ZNF512: variants seen among roughly 807,000 people sequenced by gnomAD.
ZNF512 encodes zinc finger protein 512.
ZNF512 carries 25 observed loss-of-function variants against 77.5 expected under a neutral mutation model. The observed-to-expected ratio is 0.32, with a 90% confidence interval of 0.23 to 0.45. ZNF512 has a LOEUF of 0.45. Ranked by LOEUF, ZNF512 falls within the 20% of genes least tolerant of loss-of-function variation. The pLI is 1.00. For missense variants in ZNF512, 483 were observed against 692.6 expected (o/e 0.70, Z 3.40); for synonymous variants, 246 against 239.9 (o/e 1.03, Z -0.24).
intron 2 of ZNF512, among the ~76,000 whole-genome samples, chr2:27,592,409 A>C (rs1178694046): frequency 2.0e-5 from 3 of 151,428 alleles, no homozygotes; most frequent in African/African-American, 7.3e-5. Flanking sequence ...TCCACCTCCC[A>C]GATTCAAGTG....
intron 3 of ZNF512, among the ~76,000 whole-genome samples, chr2:27,599,330 G>T (rs530975823): frequency 2.4e-4 from 37 of 152,254 alleles, no homozygotes; most frequent in African/African-American, 8.7e-4. Flanking sequence ...CACATTGCTT[G>T]AATGCCCTTA....
At chr2:27,589,687 A>G (rs1043542153) in intron 2 of ZNF512, among the ~76,000 whole-genome samples, 4 of 152,170 alleles carry the variant, frequency 2.6e-5, no homozygotes, top group Non-Finnish European at 2.9e-5. Context: ...ATAAGCATTT[A>G]AAGCTTTAAG....
In ZNF512 at chr2:27,598,224, A is replaced by G. The variant is rs1255686002; in HGVS notation, c.247A>G (p.Ile83Val). ...TACCTACTGGATGAAGATGAGAAGA[A>G]TCAAGCCAGCTGCTACTTCTCATGT... The part of the protein sequence containing the change: ...KSTYWMKMRR[I>V]KPAATSHVEG... Residue 83 changes from isoleucine (I) to valine (V), a missense_variant, in exon 3 of 14, where the codon ATC (isoleucine) becomes GTC (valine). Around this residue, in one of 2 missense-constraint regions of ZNF512, gnomAD observed 159 missense variants for 167.5 expected, o/e 0.95. Transcript: ENST00000355467. The G allele has an allele frequency of 1.2e-6, 2 of 1,613,694 alleles. No homozygotes were observed. The highest frequency in any genetic ancestry group is 2.2e-5 in the East Asian group (1 of 44,872).
chr2:27,589,200 A>G (rs1171464493), intron 2 of ZNF512, among the ~76,000 whole-genome samples: 1 of 152,056 alleles, frequency 6.6e-6, no homozygotes, highest in Middle Eastern at 3.2e-3. Flanking sequence ...CTTGTTTTAA[A>G]CCTATTGCAA....
intron 3 of ZNF512, among the ~76,000 whole-genome samples, chr2:27,598,676 T>G (rs1225852167): frequency 6.6e-6 from 1 of 152,048 alleles, no homozygotes; most frequent in Non-Finnish European, 1.5e-5. Flanking sequence ...TGTTTCTCAT[T>G]AGTGATTTAA....
chr2:27,597,386 C>T (rs556303067), intron 2 of ZNF512, among the ~76,000 whole-genome samples: 2 of 152,208 alleles, frequency 1.3e-5, no homozygotes, highest in Admixed American at 1.3e-4. Flanking sequence ...AACTGCTGCT[C>T]TGCTGCATCT....
intron 10 of ZNF512, among the ~76,000 whole-genome samples, chr2:27,608,519 T>C (rs1419122988): frequency 6.6e-6 from 1 of 152,148 alleles, no homozygotes; most frequent in South Asian, 2.1e-4. Flanking sequence ...CTTGGCCTTC[T>C]TCTTCTTGAT....
chr2:27,619,697 T>A (rs567028431), intron 13 of ZNF512, among the ~76,000 whole-genome samples: 1 of 152,226 alleles, frequency 6.6e-6, no homozygotes, highest in South Asian at 2.1e-4. Flanking sequence ...ATGAACCCAG[T>A]ATGCTGTCAG....
At chr2:27,592,524 A>T (rs2148007653) in intron 2 of ZNF512, among the ~76,000 whole-genome samples, 1 of 151,846 alleles carries the variant, frequency 6.6e-6, no homozygotes, top group South Asian at 2.1e-4. Context: ...AATATTGGCC[A>T]GGCTGGTCTC....
At position 27,615,197 on chromosome 2, in the gene ZNF512, C is replaced by G. The variant is rs138790398; in HGVS notation, c.1161C>G (p.Thr387=). 1.5e-5 allele frequency: 24 copies of G among 1,606,142 alleles called. No individual in the cohort carries two copies. In the African/African-American group the frequency reaches 2.8e-4, roughly 19 times the overall value. The part of the protein sequence containing the change: ...KLKYTRPGLP[T]FSQEVLHKWK... Reference sequence around the variant, plus strand: ...AATATACTCGTCCAGGGCTCCCTACCTTCAGCCAGGAAGTACTACATAAAT... The same window carrying G: ...AATATACTCGTCCAGGGCTCCCTACGTTCAGCCAGGAAGTACTACATAAAT... The change falls in exon 11 of 14, where the codon ACC becomes ACG. Residue 387 remains threonine (T), a synonymous_variant. Transcript: ENST00000355467.
At chr2:27,598,591 T>C (rs1671974956) in intron 3 of ZNF512, among the ~76,000 whole-genome samples, 1 of 148,864 alleles carries the variant, frequency 6.7e-6, no homozygotes, top group Non-Finnish European at 1.5e-5. Flanking sequence ...ATCGCACCAT[T>C]GCACTGTAGC....
At chr2:27,607,741 A>G in intron 9 of ZNF512, 104 bp from the exon 10 acceptor site, 1 of 1,075,042 alleles carries the variant, frequency 9.3e-7, no homozygotes, top group Non-Finnish European at 1.4e-6. Flanking sequence ...GCAATCTACT[A>G]CATAGCTCTT....
intron 9 of ZNF512, among the ~76,000 whole-genome samples, chr2:27,606,409 C>T (rs1402980523): frequency 2.0e-5 from 3 of 151,732 alleles, no homozygotes; most frequent in Non-Finnish European, 4.4e-5. Flanking sequence ...GTTGCCCAGG[C>T]TGGAGTGCAG....
chr2:27,610,540 G>GTGTA (rs1553353337), intron 10 of ZNF512, among the ~76,000 whole-genome samples: 1 of 46,836 alleles, frequency 2.1e-5, no homozygotes, highest in African/African-American at 1.3e-4. Context: ...ATATATATGT[G>GTGTA]TGTGTATATA....
chr2:27,597,322 C>T (rs997539295), intron 2 of ZNF512, among the ~76,000 whole-genome samples: 5 of 152,244 alleles, frequency 3.3e-5, no homozygotes, highest in Admixed American at 6.5e-5. Context: ...GTAGGCCTCA[C>T]AGGTATTTAG....
rs1477082476 is a variant in ZNF512 at position 27,610,585 on chromosome 2, T to A, written c.1131+2546T>A. Among the ~76,000 whole-genome samples, 707 of 74,768 alleles carry A rather than the reference T, an allele frequency of 9.5e-3. 47 individuals are homozygous for A. The highest frequency in any genetic ancestry group is 0.023 in the African/African-American group (418 of 18,226). 49.1% of individuals were successfully genotyped at this position (74,768 alleles called of 152,430 possible). A position where few individuals can be genotyped will look rare whatever the true frequency, so the allele number is the denominator to read the frequency against. ...ATATATATATTTTTTTTTTTTTTTT[T>A]TTTTTTTTTTTTTTTGAGACAGCGT... On this transcript the variant is annotated intron_variant, in intron 10 of 13. Coordinates refer to ENST00000355467, the MANE Select transcript of ZNF512 (RefSeq NM_032434.4).
At chr2:27,613,222 G>C (rs1672740946) in intron 10 of ZNF512, among the ~76,000 whole-genome samples, 3 of 152,096 alleles carry the variant, frequency 2.0e-5, no homozygotes, top group African/African-American at 4.8e-5. Context: ...TTGTGGCCGG[G>C]TGTAGTGGCT....
intron 2 of ZNF512, among the ~76,000 whole-genome samples, chr2:27,588,832 G>A (rs1671449416): frequency 6.6e-6 from 1 of 152,040 alleles, no homozygotes; most frequent in Admixed American, 6.6e-5. Flanking sequence ...ACAATATTGA[G>A]TTTTCTGATT....
chr2:27,594,990 G>A (rs968931222), intron 2 of ZNF512, among the ~76,000 whole-genome samples: 63 of 152,162 alleles, frequency 4.1e-4, no homozygotes, highest in African/African-American at 1.5e-3. Flanking sequence ...CCAGTCAGGC[G>A]TGGCGGCGCG....
Sources: allele counts gnomAD v4.1 joint callset (sites outside exome capture counted in the v4.1 genomes callset), GRCh38; gene constraint gnomAD v4.1.1; regional missense constraint gnomAD v4.1.1; transcripts MANE v1.5; gene names NCBI Gene and HGNC (gene_info 2026-07-23, HGNC 2026-07-21).